The following EHD4 variants were observed in gnomAD, a reference collection of about 807,000 sequenced individuals.
EHD4 encodes the protein EH domain-containing protein 4.
In EHD4, 37 loss-of-function variants were observed where a neutral mutation model predicts 51.0. The observed-to-expected ratio is 0.73, with a 90% confidence interval of 0.56 to 0.95. EHD4 has a LOEUF of 0.95. EHD4 is among the 40% of genes least tolerant of loss of function. The probability of loss-of-function intolerance (pLI) is 0.00; values close to 1 mark genes in which losing one functional copy is unlikely to be tolerated. For synonymous variants in EHD4, 297 were observed against 317.3 expected (o/e 0.94, Z 0.68); for missense variants, 632 against 733.1 (o/e 0.86, Z 1.59).
chr15:41,952,061 CT>C (rs1485986783), intron 2 of EHD4, among the ~76,000 whole-genome samples: 4 of 152,244 alleles, frequency 2.6e-5, no homozygotes, highest in Non-Finnish European at 5.9e-5. Flanking sequence ...CAAAAAGCCC[CT>C]AATGGAGAAT....
In EHD4 at chr15:41,972,501, G is replaced by T; in HGVS notation, c.-7C>A. On this transcript the variant is annotated 5_prime_UTR_variant, in exon 1 of 6. Coordinates refer to ENST00000220325, the MANE Select transcript of EHD4 (RefSeq NM_139265.4). The stretch of plus-strand genomic sequence containing the variant: ...GCCCCATCCAGCTGAACATCCTGCC[G>T]CCAGTCCACGCTCGGATGGGACCCT... 3.3e-6 allele frequency: 5 copies of T among 1,503,772 alleles called. No individual in the cohort carries two copies. The highest frequency in any genetic ancestry group is 3.5e-6 in the Non-Finnish European group (4 of 1,129,512). The allele number at this position is 1,503,772 out of a possible 1,614,324, so 93.2% of individuals were successfully genotyped here.
chr15:41,899,842 T>C lies in EHD4; in HGVS notation c.*803A>G, dbSNP rs1048166. On this transcript the variant is annotated 3_prime_UTR_variant, in exon 6 of 6. Coordinates refer to ENST00000220325, the MANE Select transcript of EHD4 (RefSeq NM_139265.4). ...GGAAAAACCAGTAAGAAAAGCTAATTTTCAGGCTTCAATGTGATTTGACAT... is the reference window on the plus strand; with the variant it reads ...GGAAAAACCAGTAAGAAAAGCTAATCTTCAGGCTTCAATGTGATTTGACAT... 76,505 of 152,190 alleles carry C rather than the reference T, an allele frequency of 0.5. 20,292 individuals carry two copies. Among genetic ancestry groups the C allele is most frequent in the African/African-American group, 0.64 (26,713 of 41,516 alleles). 9.4% of individuals were successfully genotyped at this position (152,190 alleles called of 1,614,324 possible).
rs879765837 is a variant in EHD4, at chr15:41,912,881, C to T, written c.925-3018G>A. On this transcript the variant is annotated intron_variant, in intron 4 of 5. Coordinates refer to ENST00000220325, the MANE Select transcript of EHD4 (RefSeq NM_139265.4). ...AGCTGGCACTAGCATCCAAGTGCCT[C>T]GTTCCTGTCCCTAAAGAACTAATGA... Among the ~76,000 whole-genome samples, 14 of 152,158 alleles carry T rather than the reference C, an allele frequency of 9.2e-5. 1 individual carries two copies. Among genetic ancestry groups the T allele is most frequent in the Non-Finnish European group, 1.3e-4 (9 of 68,034 alleles).
chr15:41,909,884 C>A, intron 4 of EHD4, 21 bp from the exon 5 acceptor site: 1 of 1,613,474 alleles, frequency 6.2e-7, no homozygotes, highest in East Asian at 2.2e-5. Context: ...ATAGATCAGG[C>A]AGGGAAGTGT....
chr15:41,901,333 T>A, intron 5 of EHD4, 152 bp from the exon 6 acceptor site: 2 of 719,378 alleles, frequency 2.8e-6, no homozygotes, highest in Non-Finnish European at 4.2e-6. Context: ...CATCCAGATG[T>A]ACCACATATA....
Position 41,972,315 on chromosome 15 carries a change from G to C in EHD4, c.180C>G (p.Asn60Lys), listed in dbSNP as rs765689035. 1.2e-6 allele frequency: 2 copies of C among 1,611,298 alleles called. No homozygotes were observed. Among genetic ancestry groups the C allele is most frequent in the East Asian group, 2.2e-5 (1 of 44,710 alleles). The change falls in exon 1 of 6, where the codon AAC becomes AAG. Residue 60 changes from asparagine to lysine, a missense_variant. Physicochemically the swap from Asn to Lys is moderately conservative, Grantham distance 94. Coordinates refer to ENST00000220325, the MANE Select transcript of EHD4 (RefSeq NM_139265.4). ...GGCCCACCAGCAGGATCATGGGCTTGTTCTCGAAGTCGGCGTCCTCCAGCG... is the reference window on the plus strand; with the variant it reads ...GGCCCACCAGCAGGATCATGGGCTTCTTCTCGAAGTCGGCGTCCTCCAGCG... ...SPALEDADFE[N>K]KPMILLVGQY... is the part of the protein sequence containing the mutation.
intron 3 of EHD4, among the ~76,000 whole-genome samples, chr15:41,940,448 G>C (rs2067762038): frequency 6.6e-6 from 1 of 152,216 alleles, no homozygotes; most frequent in Non-Finnish European, 1.5e-5. Context: ...CTTTACAACA[G>C]TATGCATTCT....
chr15:41,921,693 T>G (rs998797794), intron 3 of EHD4: 1 of 152,230 alleles, frequency 6.6e-6, no homozygotes, highest in Non-Finnish European at 1.5e-5. Flanking sequence ...ATGGGGTATC[T>G]GAAGGTTCAG....
At chr15:41,934,231 C>G (rs1330367630) in intron 3 of EHD4, among the ~76,000 whole-genome samples, 1 of 151,832 alleles carries the variant, frequency 6.6e-6, no homozygotes, top group Admixed American at 6.6e-5. Context: ...AGCCCTAACC[C>G]AGATTCCTCA....
At chr15:41,927,035 T>A (rs2067667314) in intron 3 of EHD4, among the ~76,000 whole-genome samples, 1 of 152,242 alleles carries the variant, frequency 6.6e-6, no homozygotes, top group Non-Finnish European at 1.5e-5. Flanking sequence ...CCACTGCAGA[T>A]GCCTTACACT....
chr15:41,901,225 CA>C, intron 5 of EHD4, 44 bp from the exon 6 acceptor site: 1 of 1,501,832 alleles, frequency 6.7e-7, no homozygotes, highest in Non-Finnish European at 8.8e-7. Context: ...GTGGTCTCTT[CA>C]GGGGGAAACA....
intron 3 of EHD4, among the ~76,000 whole-genome samples, chr15:41,939,803 A>AG (rs1318097657): frequency 6.6e-6 from 1 of 151,822 alleles, no homozygotes; most frequent in Non-Finnish European, 1.5e-5. Flanking sequence ...AAAAAAAAAA[A>AG]AAAAAAAAAA....
In EHD4 at chr15:41,909,739, T is replaced by C; in HGVS notation, c.1049A>G (p.Gln350Arg). 1.2e-6 allele frequency: 2 copies of C among 1,614,202 alleles called. No individual in the cohort carries two copies. Among genetic ancestry groups the C allele is most frequent in the Non-Finnish European group, 1.7e-6 (2 of 1,180,038 alleles). ...EIYIQLQREY[Q>R]ISAGDFPEVK... ...CTCAGGGAAGTCCCCTGCAGAAATC[T>C]GGTATTCTCGCTGTAGCTGAATGTA... The change falls in exon 5 of 6, where the codon CAG (glutamine) becomes CGG (arginine). Residue 350 changes from glutamine to arginine, a missense_variant. Coordinates refer to ENST00000220325, the MANE Select transcript of EHD4 (RefSeq NM_139265.4).
rs77731518 is a variant in EHD4 at position 41,919,072 on chromosome 15, G to C, written c.924+138C>G. Reference sequence around the variant, plus strand: ...GGTGTCAGCAGGGCCACCTGACCTCGAGGCTGTATTCTTAACCTAGCGCAT... The same window carrying C: ...GGTGTCAGCAGGGCCACCTGACCTCCAGGCTGTATTCTTAACCTAGCGCAT... On this transcript the variant is annotated intron_variant, in intron 4 of 5. Coordinates refer to ENST00000220325, the MANE Select transcript of EHD4 (RefSeq NM_139265.4). 194 of 1,149,996 alleles carry C rather than the reference G, an allele frequency of 1.7e-4. No homozygotes were observed. In the East Asian group the frequency reaches 4.7e-3, roughly 28 times the overall value. The allele number at this position is 1,149,996 out of a possible 1,614,324, so 71.2% of individuals were successfully genotyped here. A position where few individuals can be genotyped will look rare whatever the true frequency, so the allele number is the denominator to read the frequency against.
chr15:41,929,446 C>T (rs1367000235), intron 3 of EHD4, among the ~76,000 whole-genome samples: 5 of 152,352 alleles, frequency 3.3e-5, no homozygotes, highest in African/African-American at 9.6e-5. Flanking sequence ...CGCCAGTACT[C>T]GGCCCACTGA....
At chr15:41,928,889 C>T (rs1350376488) in intron 3 of EHD4, 1 of 152,306 alleles carries the variant, frequency 6.6e-6, no homozygotes, top group Non-Finnish European at 1.5e-5. Flanking sequence ...CCCTTTTCCC[C>T]AGCTGACCAG....
intron 3 of EHD4, among the ~76,000 whole-genome samples, chr15:41,923,085 A>C (rs1273912328): frequency 6.6e-6 from 1 of 152,208 alleles, no homozygotes; most frequent in Non-Finnish European, 1.5e-5. Flanking sequence ...GTGGCATTAA[A>C]TAAGTCACAT....
At position 41,972,199 on chromosome 15, in the gene EHD4, C is replaced by A. The variant is rs2068001352; in HGVS notation, c.236+60G>T. 2.3e-6 allele frequency: 3 copies of A among 1,316,066 alleles called. No individual in the cohort carries two copies. In the African/African-American group the frequency reaches 4.5e-5, roughly 20 times the overall value. The allele number at this position is 1,316,066 out of a possible 1,614,324, so 81.5% of individuals were successfully genotyped here. A position where few individuals can be genotyped will look rare whatever the true frequency, so the allele number is the denominator to read the frequency against. On this transcript the variant is annotated intron_variant, in intron 1 of 5. Transcript: ENST00000220325. ...GGCAGCGGCGGGAGGCGGCCGACTGCGGCGCACACGTGGGGAGGGCGGAGC... is the reference window on the plus strand; with the variant it reads ...GGCAGCGGCGGGAGGCGGCCGACTGAGGCGCACACGTGGGGAGGGCGGAGC...
chr15:41,919,673 T>G (rs2067611446), intron 3 of EHD4, 51 bp from the exon 4 acceptor site: 1 of 1,467,816 alleles, frequency 6.8e-7, no homozygotes, highest in South Asian at 1.6e-5. Context: ...AGGAGACACG[T>G]TTAATGGGCG....
Sources: allele counts gnomAD v4.1 joint callset (sites outside exome capture counted in the v4.1 genomes callset), GRCh38; gene constraint gnomAD v4.1.1; transcripts MANE v1.5; gene names NCBI Gene and HGNC (gene_info 2026-07-23, HGNC 2026-07-21).